Variants in PLCD4 observed in about 807,000 individuals in gnomAD.
PLCD4 encodes phospholipase C delta 4, also known as 1-phosphatidylinositol 4,5-bisphosphate phosphodiesterase delta-4.
A neutral mutation model predicts 90.2 loss-of-function variants in PLCD4; 63 were observed. That is an observed-to-expected ratio of 0.70 (90% confidence interval 0.57 to 0.86). The LOEUF is 0.86. PLCD4 is among the 40% of genes least tolerant of loss of function. The pLI is 0.00. For synonymous variants in PLCD4, 294 were observed against 356.5 expected, an observed-to-expected ratio of 0.82 and a Z score of 1.97; for missense variants, 830 against 956.3, an observed-to-expected ratio of 0.87 and a Z score of 1.74.
chr2:218,637,114 C>G lies in PLCD4; in HGVS notation c.*537C>G. The G allele has an allele frequency of 6.0e-6, 2 of 334,402 alleles. No individual in the cohort carries two copies. The highest frequency in any genetic ancestry group is 4.9e-5 in the South Asian group (2 of 40,618). The allele number at this position is 334,402 out of a possible 1,614,324, so 20.7% of individuals were successfully genotyped here. On this transcript the variant is annotated 3_prime_UTR_variant, in exon 16 of 16. Transcript: ENST00000450993. ...TCTTAAGAGAACACTGCACAGCACTCAAAGTCCCCCACTGGACTGCTTCCT... is the reference window on the plus strand; with the variant it reads ...TCTTAAGAGAACACTGCACAGCACTGAAAGTCCCCCACTGGACTGCTTCCT...
At chr2:218,608,864 C>G (rs543358213) in intron 1 of PLCD4, among the ~76,000 whole-genome samples, 1 of 152,034 alleles carries the variant, frequency 6.6e-6, no homozygotes, top group African/African-American at 2.4e-5. Flanking sequence ...ACTGGCCGGG[C>G]GCGGTGGCTC....
At chr2:218,617,805 G>A (rs1238871789) in intron 3 of PLCD4, among the ~76,000 whole-genome samples, 1 of 152,050 alleles carries the variant, frequency 6.6e-6, no homozygotes, top group Non-Finnish European at 1.5e-5. Flanking sequence ...CTGGAATGGG[G>A]GCCAGGCGTG....
At chr2:218,615,676 C>G in intron 1 of PLCD4, 31 bp from the exon 2 acceptor site, 1 of 1,522,998 alleles carries the variant, frequency 6.6e-7, no homozygotes, top group Non-Finnish European at 8.8e-7. Flanking sequence ...AAGATTCACC[C>G]AGAGCCCTTT....
chr2:218,629,669 A>G lies in PLCD4; in HGVS notation c.1119+6A>G, dbSNP rs944313696. ...TAGCACAGTATGCCTTCCAGGTAGT[A>G]GCCCCAGGATGGGGACACTGGTGAG... On this transcript the variant is annotated splice_donor_region_variant and intron_variant, in intron 8 of 15. Transcript: ENST00000450993. The G allele has an allele frequency of 3.7e-6, 6 of 1,611,406 alleles. No individual in the cohort carries two copies. In the African/African-American group the frequency reaches 8.0e-5, roughly 22 times the overall value.
intron 3 of PLCD4, among the ~76,000 whole-genome samples, chr2:218,616,966 A>G (rs1171627556): frequency 9.2e-6 from 1 of 108,304 alleles, no homozygotes; most frequent in African/African-American, 3.2e-5. Flanking sequence ...AGAGAGAGAG[A>G]GAGAGAGAGA....
In PLCD4 at chr2:218,629,710, G is replaced by A. The variant is rs1384759010; in HGVS notation, c.1119+47G>A. Reference sequence around the variant, plus strand: ...CACTGGTGAGGCCAGAAGGTCTGAGGGAAGAACGACTGGCTCTGGGTCTGG... The same window carrying A: ...CACTGGTGAGGCCAGAAGGTCTGAGAGAAGAACGACTGGCTCTGGGTCTGG... On this transcript the variant is annotated intron_variant, in intron 8 of 15. Transcript: ENST00000450993. The A allele has an allele frequency of 1.9e-6, 3 of 1,588,338 alleles. No homozygotes were observed. The South Asian group carries it at 3.4e-5, about 18-fold the overall frequency.
chr2:218,622,866 C>A lies in PLCD4; in HGVS notation c.760C>A (p.Pro254Thr). Residue 254 changes from proline (P) to threonine (T), a missense_variant, in exon 6 of 16, where the codon CCT (proline) becomes ACT (threonine). Coordinates refer to ENST00000450993, the MANE Select transcript of PLCD4 (RefSeq NM_032726.4). ...TCTGGAACTCATTGACCGCTATGAA[C>A]CTTCAGACAGTGGTAAGAGAAATCA... is the stretch of plus-strand genomic sequence containing the variant. ...LALELIDRYE[P>T]SDSGKLRHVL... 1 of 1,613,482 alleles carries A rather than the reference C, an allele frequency of 6.2e-7. No homozygotes were observed. Among genetic ancestry groups the A allele is most frequent in the Non-Finnish European group, 8.5e-7 (1 of 1,179,646 alleles).
rs189039030 is a variant in PLCD4, at chr2:218,620,444, G to A, written c.411-1026G>A. 6.4e-3 allele frequency among the ~76,000 whole-genome samples: 977 copies of A among 151,564 alleles called. 4 individuals are homozygous for A. The highest frequency in any genetic ancestry group is 0.01 in the Non-Finnish European group (680 of 67,868). ...TCACTTGAACCGGAAAAGGTTGCAG[G>A]GAGCCGAGATGGTGCCACTGCACTC... On this transcript the variant is annotated intron_variant, in intron 4 of 15. Coordinates refer to ENST00000450993, the MANE Select transcript of PLCD4 (RefSeq NM_032726.4).
In PLCD4 at chr2:218,636,297, T is replaced by C. The variant is rs1471943965; in HGVS notation, c.2087T>C (p.Leu696Pro). The C allele has an allele frequency of 2.5e-6, 4 of 1,613,930 alleles. No homozygotes were observed. In the Admixed American group the frequency reaches 6.7e-5, roughly 27 times the overall value. Residue 696 changes from leucine to proline, a missense_variant, in exon 15 of 16, where the codon CTT becomes CCT. By Grantham distance (98) the Leu-to-Pro change is moderately conservative. Transcript: ENST00000450993. ...TGTTTCCGGGTGCTGGTGCCTGAAC[T>C]TGCCATGCTGCGTTTTGTGGTAATG... ...TLCFRVLVPELAMLRFVVMDY... is the reference protein window; with the variant it reads ...TLCFRVLVPEPAMLRFVVMDY...
chr2:218,634,034 C>T lies in PLCD4; in HGVS notation c.1607-71C>T. On this transcript the variant is annotated intron_variant, in intron 11 of 15. Transcript: ENST00000450993. The surrounding 1 kb of genome is among the most constrained non-coding windows in gnomAD (Gnocchi z 4.0). ...GCTGGAGAGAAGGGTGAAGAGTAGG[C>T]ATGGTCCTTGGGACTAGGGAAGTGG... 2 of 1,532,928 alleles carry T rather than the reference C, an allele frequency of 1.3e-6. No individual in the cohort carries two copies. Among genetic ancestry groups the T allele is most frequent in the Non-Finnish European group, 1.8e-6 (2 of 1,133,424 alleles). 95.0% of individuals were successfully genotyped at this position (1,532,928 alleles called of 1,614,324 possible).
In PLCD4 at chr2:218,636,638, G is replaced by A. The variant is rs746689145; in HGVS notation, c.*61G>A. 96 of 1,513,800 alleles carry A rather than the reference G, an allele frequency of 6.3e-5. No homozygotes were observed. Among genetic ancestry groups the A allele is most frequent in the Non-Finnish European group, 8.3e-5 (91 of 1,101,342 alleles). The allele number at this position is 1,513,800 out of a possible 1,614,324, so 93.8% of individuals were successfully genotyped here. A position where few individuals can be genotyped will look rare whatever the true frequency, so the allele number is the denominator to read the frequency against. ...TTTAGACGGGGAGAAACATCTGGAA[G>A]GATGCTCGAGAGAACAAATGGAGGT... On this transcript the variant is annotated 3_prime_UTR_variant, in exon 16 of 16. Coordinates refer to ENST00000450993, the MANE Select transcript of PLCD4 (RefSeq NM_032726.4).
Position 218,634,116 on chromosome 2 carries a change from G to C in PLCD4, c.1618G>C (p.Val540Leu), listed in dbSNP as rs1284949733. The C allele has an allele frequency of 1.2e-6, 2 of 1,610,496 alleles. No homozygotes were observed. The highest frequency in any genetic ancestry group is 2.7e-5 in the African/African-American group (2 of 74,870). The change falls in exon 12 of 16, where the codon GTG (valine) becomes CTG (leucine). Residue 540 changes from valine (V) to leucine (L), a missense_variant. By Grantham distance (32) the Val-to-Leu change is conservative. Transcript: ENST00000450993. The surrounding 1 kb of genome is among the most constrained non-coding windows in gnomAD (Gnocchi z 4.0). ...RLIKEAGNEFVQHNTWQLSRV... is the reference protein window; with the variant it reads ...RLIKEAGNEFLQHNTWQLSRV... The stretch of plus-strand genomic sequence containing the variant: ...ATACCCTTTTACAGGCAATGAGTTT[G>C]TGCAGCACAATACTTGGCAGTTAAG...
At position 218,628,066 on chromosome 2, in the gene PLCD4, C is replaced by T. The variant is rs1173021058; in HGVS notation, c.810C>T (p.Leu270=). The change falls in exon 7 of 16, where the codon CTC becomes CTT. Residue 270 remains leucine (L), a synonymous_variant. Transcript: ENST00000450993. ...LRHVLSMDGF[L]SYLCSKDGDI... ...ATGTGCTGAGTATGGATGGCTTCCT[C>T]AGCTACCTCTGCTCTAAGGATGGAG... is the stretch of plus-strand genomic sequence containing the variant. 6.2e-7 allele frequency: 1 copy of T among 1,613,880 alleles called. No homozygotes were observed. Among genetic ancestry groups the T allele is most frequent in the Non-Finnish European group, 8.5e-7 (1 of 1,179,890 alleles).
rs575031222 is a variant in PLCD4, at chr2:218,622,007, G to A, written c.540+408G>A. Among the ~76,000 whole-genome samples, 7 of 150,810 alleles carry A rather than the reference G, an allele frequency of 4.6e-5. No homozygotes were observed. In the East Asian group the frequency reaches 1.4e-3, roughly 29 times the overall value. The stretch of plus-strand genomic sequence containing the variant: ...AGGCAGGAGAATGGTGTGAACCCGG[G>A]AGGCAGTGCTTGCAGTGAGCCGAGA... On this transcript the variant is annotated intron_variant, in intron 5 of 15. Transcript: ENST00000450993.
At chr2:218,626,029 G>C (rs1195895561) in intron 6 of PLCD4, among the ~76,000 whole-genome samples, 1 of 151,962 alleles carries the variant, frequency 6.6e-6, no homozygotes, top group Admixed American at 6.6e-5. Context: ...TGAGGCAGGA[G>C]GACTGCTTGA....
chr2:218,632,314 T>C lies in PLCD4; in HGVS notation c.1449+2T>C. ...CTTCAGAATAAGGACAAAAAGAAGG[T>C]AAGCCAGGAGTGGTCTTTCTGCTGT... On this transcript the variant is annotated splice_donor_variant, in intron 10 of 15. Coordinates refer to ENST00000450993, the MANE Select transcript of PLCD4 (RefSeq NM_032726.4). LOFTEE classifies it high-confidence loss of function. The C allele has an allele frequency of 6.2e-7, 1 of 1,602,978 alleles. No homozygotes were observed. The highest frequency in any genetic ancestry group is 8.5e-7 in the Non-Finnish European group (1 of 1,175,084).
In PLCD4 at chr2:218,636,643, C is replaced by T. The variant is rs1696774613; in HGVS notation, c.*66C>T. The T allele has an allele frequency of 6.7e-7, 1 of 1,484,202 alleles. No individual in the cohort carries two copies. The allele number at this position is 1,484,202 out of a possible 1,614,324, so 91.9% of individuals were successfully genotyped here. ...ACGGGGAGAAACATCTGGAAGGATG[C>T]TCGAGAGAACAAATGGAGGTGGTGA... On this transcript the variant is annotated 3_prime_UTR_variant, in exon 16 of 16. Transcript: ENST00000450993.
intron 1 of PLCD4, among the ~76,000 whole-genome samples, chr2:218,608,319 G>T (rs1011476419): frequency 4.6e-5 from 7 of 152,148 alleles, no homozygotes; most frequent in African/African-American, 1.7e-4. Flanking sequence ...TGCAGGGCCA[G>T]AAGTGCCAAC....
At position 218,634,125 on chromosome 2, in the gene PLCD4, A is replaced by G. The variant is rs370671617; in HGVS notation, c.1627A>G (p.Asn543Asp). 5 of 1,611,766 alleles carry G rather than the reference A, an allele frequency of 3.1e-6. No individual in the cohort carries two copies. The highest frequency in any genetic ancestry group is 3.4e-6 in the Non-Finnish European group (4 of 1,178,954). The change falls in exon 12 of 16, where the codon AAT becomes GAT. Residue 543 changes from asparagine to aspartate, a missense_variant. Physicochemically the swap from Asn to Asp is conservative, Grantham distance 23. Coordinates refer to ENST00000450993, the MANE Select transcript of PLCD4 (RefSeq NM_032726.4). The surrounding 1 kb of genome is among the most constrained non-coding windows in gnomAD (Gnocchi z 4.0). ...KEAGNEFVQH[N>D]TWQLSRVYPS... The stretch of plus-strand genomic sequence containing the variant: ...TACAGGCAATGAGTTTGTGCAGCAC[A>G]ATACTTGGCAGTTAAGCCGTGTGTA...
Sources: gnomAD v4.1 joint callset for allele counts (sites outside exome capture counted in the v4.1 genomes callset) on GRCh38, gnomAD v4.1.1 for gene constraint, Gnocchi (gnomAD v3.1) non-coding constraint, MANE v1.5 for transcripts, NCBI Gene and HGNC (gene_info 2026-07-23, HGNC 2026-07-21) for gene names.